The following KCNH5 variants were observed in gnomAD, a reference collection of about 807,000 sequenced individuals.
KCNH5 encodes the protein potassium voltage-gated channel subfamily H member 5.
In KCNH5, 46 loss-of-function variants were observed where a neutral mutation model predicts 96.1. The observed-to-expected ratio is 0.48, with a 90% CI of 0.38 to 0.61. KCNH5 has a LOEUF of 0.61. Among genes scored for constraint, KCNH5 ranks in the 20% least tolerant of loss-of-function variants. The pLI, the probability that KCNH5 is intolerant of heterozygous loss-of-function variation, is 0.00. For synonymous variants in KCNH5, 439 were observed against 449.8 expected (o/e 0.98, Z 0.30); for missense variants, 907 against 1,225.8 (o/e 0.74, Z 3.88).
chr14:62,935,942 A>C (rs748189605), intron 7 of KCNH5, among the ~76,000 whole-genome samples: 2 of 152,198 alleles, frequency 1.3e-5, no homozygotes, highest in Non-Finnish European at 2.9e-5. Context: ...TCTTTCAATA[A>C]TTTGTTCCCA....
At chr14:62,977,059 A>G (rs1310904406) in intron 6 of KCNH5, among the ~76,000 whole-genome samples, 2 of 152,176 alleles carry the variant, frequency 1.3e-5, no homozygotes, top group African/African-American at 2.4e-5. Context: ...TATAAAATGC[A>G]TATTTGCAGT....
At chr14:62,927,345 A>G (rs1889495734) in intron 7 of KCNH5, among the ~76,000 whole-genome samples, 1 of 152,168 alleles carries the variant, frequency 6.6e-6, no homozygotes, top group Non-Finnish European at 1.5e-5. Context: ...TCAAAATATT[A>G]CAAATAAAAC....
At chr14:62,817,175 AATATACT>A (rs1887000419) in intron 8 of KCNH5, among the ~76,000 whole-genome samples, 1 of 137,646 alleles carries the variant, frequency 7.3e-6, no homozygotes, top group Non-Finnish European at 1.6e-5. Context: ...TATAATATAT[AATATACT>A]ATATATTATA....
chr14:62,932,451 C>A (rs1286559190), intron 7 of KCNH5, among the ~76,000 whole-genome samples: 1 of 136,366 alleles, frequency 7.3e-6, no homozygotes, highest in African/African-American at 2.7e-5. Context: ...AAGATAAAAT[C>A]ATAGAAAACT....
At chr14:62,904,127 T>C (rs1165061293) in intron 7 of KCNH5, among the ~76,000 whole-genome samples, 1 of 152,188 alleles carries the variant, frequency 6.6e-6, no homozygotes, top group Non-Finnish European at 1.5e-5. Context: ...AAAACTCACA[T>C]CGTCTTCATT....
chr14:62,800,582 T>C (rs1886640508), intron 9 of KCNH5, among the ~76,000 whole-genome samples: 1 of 152,202 alleles, frequency 6.6e-6, no homozygotes, highest in South Asian at 2.1e-4. Flanking sequence ...AGGGTTATCA[T>C]GATATTACAT....
chr14:62,816,250 CACTT>C (rs1321848957), intron 8 of KCNH5, among the ~76,000 whole-genome samples: 8 of 151,978 alleles, frequency 5.3e-5, no homozygotes, highest in South Asian at 2.1e-4. Flanking sequence ...ACAACACTAA[CACTT>C]ACATAGGTTA....
intron 4 of KCNH5, among the ~76,000 whole-genome samples, chr14:62,992,423 A>G (rs1415882415): frequency 6.6e-6 from 1 of 152,058 alleles, no homozygotes; most frequent in Non-Finnish European, 1.5e-5. Context: ...TTGAGGTTGT[A>G]CTAACCTACA....
chr14:62,947,736 C>CACACACACAA (rs888253110), intron 7 of KCNH5, among the ~76,000 whole-genome samples: 4 of 151,960 alleles, frequency 2.6e-5, no homozygotes, highest in African/African-American at 9.7e-5. Flanking sequence ...CACACACACA[C>CACACACACAA]AAAAACCGAT....
intron 7 of KCNH5, among the ~76,000 whole-genome samples, chr14:62,883,394 G>A (rs1429983335): frequency 1.3e-5 from 2 of 152,144 alleles, no homozygotes; most frequent in East Asian, 3.9e-4. Context: ...TCTGTGGAGG[G>A]TGATTATGAT....
intron 7 of KCNH5, among the ~76,000 whole-genome samples, chr14:62,937,521 G>A (rs1208921186): frequency 6.6e-6 from 1 of 152,178 alleles, no homozygotes; most frequent in African/African-American, 2.4e-5. Flanking sequence ...AGTCAGGAGT[G>A]TAAAGGAATG....
rs898173642 is a variant in KCNH5 at position 63,045,352 on chromosome 14, G to A, written c.-166C>T. On this transcript the variant is annotated 5_prime_UTR_variant, in exon 1 of 11. Transcript: ENST00000322893. ...CCTGACTGTGTCTCCAGCCCGACCC[G>A]GATGAGCAGCTCTGGGGAGGAGGAC... 4 of 640,920 alleles carry A rather than the reference G, an allele frequency of 6.2e-6. No individual in the cohort carries two copies. Among genetic ancestry groups the A allele is most frequent in the African/African-American group, 1.8e-5 (1 of 55,690 alleles). 39.7% of individuals were successfully genotyped at this position (640,920 alleles called of 1,614,324 possible).
intron 7 of KCNH5, among the ~76,000 whole-genome samples, chr14:62,904,456 T>C (rs1817982454): frequency 6.6e-6 from 1 of 152,146 alleles, no homozygotes; most frequent in South Asian, 2.1e-4. Context: ...TCCTCACATC[T>C]TCAGCAAAAT....
At chr14:62,873,486 C>T (rs1204799327) in intron 7 of KCNH5, among the ~76,000 whole-genome samples, 1 of 152,064 alleles carries the variant, frequency 6.6e-6, no homozygotes, top group African/African-American at 2.4e-5. Flanking sequence ...AAGCATGTGT[C>T]AATATATTAT....
At chr14:63,007,339 T>C (rs777251893) in intron 2 of KCNH5, among the ~76,000 whole-genome samples, 8 of 152,112 alleles carry the variant, frequency 5.3e-5, no homozygotes, top group Non-Finnish European at 7.4e-5. Flanking sequence ...GAAAGGAGGA[T>C]GACAATTTTC....
chr14:62,977,607 C>A (rs1890526470), intron 6 of KCNH5, among the ~76,000 whole-genome samples: 1 of 151,992 alleles, frequency 6.6e-6, no homozygotes, highest in African/African-American at 2.4e-5. Context: ...AAAAGAATCC[C>A]CTGAAAAAAT....
At chr14:62,891,606 C>A (rs1194504901) in intron 7 of KCNH5, among the ~76,000 whole-genome samples, 2 of 151,986 alleles carry the variant, frequency 1.3e-5, no homozygotes, top group Non-Finnish European at 2.9e-5. Context: ...ATCCTATAAC[C>A]CTATATAGGC....
At chr14:62,942,805 T>C (rs1310020419) in intron 7 of KCNH5, among the ~76,000 whole-genome samples, 2 of 152,234 alleles carry the variant, frequency 1.3e-5, no homozygotes, top group Non-Finnish European at 2.9e-5. Context: ...TGTCTACCAA[T>C]TAAACCCCAG....
Position 62,780,009 on chromosome 14 carries a change from T to C in KCNH5, c.1823-85A>G, listed in dbSNP as rs577354714. 4.5e-5 allele frequency: 51 copies of C among 1,129,260 alleles called. No individual in the cohort carries two copies. The East Asian group carries it at 7.2e-4, about 16-fold the overall frequency. The allele number at this position is 1,129,260 out of a possible 1,614,324, so 70.0% of individuals were successfully genotyped here. A position where few individuals can be genotyped will look rare whatever the true frequency, so the allele number is the denominator to read the frequency against. ...TTGTTATTCAGTTTCATATACAGTATTGACCTTCTAGCATAATTTAGAGCT... is the reference window on the plus strand; with the variant it reads ...TTGTTATTCAGTTTCATATACAGTACTGACCTTCTAGCATAATTTAGAGCT... On this transcript the variant is annotated intron_variant, in intron 9 of 10. Coordinates refer to ENST00000322893, the MANE Select transcript of KCNH5 (RefSeq NM_139318.5).
Sources: gnomAD v4.1 joint callset for allele counts (sites outside exome capture counted in the v4.1 genomes callset) on GRCh38, gnomAD v4.1.1 for gene constraint, MANE v1.5 for transcripts, NCBI Gene and HGNC (gene_info 2026-07-23, HGNC 2026-07-21) for gene names.